The following RPS6KC1 variants were observed in gnomAD, a reference collection of about 807,000 sequenced individuals.
The protein encoded by RPS6KC1 is ribosomal protein S6 kinase C1.
RPS6KC1 carries 54 observed loss-of-function variants against 103.8 expected under a neutral mutation model. That is an observed-to-expected ratio of 0.52 (90% CI 0.42 to 0.65). The LOEUF is 0.65. Among genes scored for constraint, RPS6KC1 ranks in the 30% least tolerant of loss-of-function variants. RPS6KC1 has a pLI of 0.00. For synonymous variants in RPS6KC1, 439 were observed against 438.7 expected, an observed-to-expected ratio of 1.00 and a Z score of -0.01; for missense variants, 1,151 against 1,253.8, an observed-to-expected ratio of 0.92 and a Z score of 1.24.
chr1:213,380,890 C>T, the RPS6KC1 span, among the ~76,000 whole-genome samples: 22 of 152,284 alleles, frequency 1.4e-4, no homozygotes, highest in African/African-American at 5.3e-4. Flanking sequence ...CTTCTGCCCA[C>T]ATGTTCTCTT....
chr1:213,410,124 C>T, the RPS6KC1 span, among the ~76,000 whole-genome samples: 1 of 152,148 alleles, frequency 6.6e-6, no homozygotes, highest in Non-Finnish European at 1.5e-5. Context: ...CACTGCACTC[C>T]AGCTGGGCAA....
chr1:213,139,820 A>G (rs1030397321), intron 6 of RPS6KC1, among the ~76,000 whole-genome samples: 3 of 152,010 alleles, frequency 2.0e-5, no homozygotes, highest in Non-Finnish European at 2.9e-5. Flanking sequence ...TGCTTTGGCT[A>G]TTCAGGCTCT....
chr1:213,386,519 G>A, the RPS6KC1 span, among the ~76,000 whole-genome samples: 6 of 152,246 alleles, frequency 3.9e-5, no homozygotes, highest in South Asian at 2.1e-4. Context: ...TGTTTGTATC[G>A]CAGTGGGGCT....
rs533269129 is a variant in RPS6KC1 at position 213,241,202 on chromosome 1, G to A, written c.1726G>A (p.Asp576Asn). Residue 576 changes from aspartate (D) to asparagine (N), a missense_variant, in exon 11 of 15, where the codon GAT becomes AAT. This residue lies in a region of RPS6KC1 where 959 missense variants were observed against 1,006.3 expected (regional missense o/e 0.95). Coordinates refer to ENST00000366960, the MANE Select transcript of RPS6KC1 (RefSeq NM_012424.6). ...RAHELKFFPN[D>N]DPEAVSSPRT... The stretch of plus-strand genomic sequence containing the variant: ...TCACGAGCTGAAGTTCTTCCCCAAC[G>A]ATGACCCAGAAGCAGTTAGTTCTCC... The A allele has an allele frequency of 5.0e-6, 8 of 1,613,690 alleles. No homozygotes were observed. Among genetic ancestry groups the A allele is most frequent in the Admixed American group, 1.7e-5 (1 of 59,932 alleles).
At chr1:213,383,284 A>G in the RPS6KC1 span, among the ~76,000 whole-genome samples, 1 of 152,224 alleles carries the variant, frequency 6.6e-6, no homozygotes, top group African/African-American at 2.4e-5. Flanking sequence ...AGTCATGTGC[A>G]ACCTTCCTGA....
chr1:213,455,009 G>T, the RPS6KC1 span, among the ~76,000 whole-genome samples: 1 of 152,170 alleles, frequency 6.6e-6, no homozygotes, highest in Non-Finnish European at 1.5e-5. Flanking sequence ...GCCTCAGGGA[G>T]CGTCCAGGCC....
At chr1:213,322,199 A>G in the RPS6KC1 span, among the ~76,000 whole-genome samples, 1 of 152,142 alleles carries the variant, frequency 6.6e-6, no homozygotes, top group Non-Finnish European at 1.5e-5. Context: ...ACAGCTACTT[A>G]GGAGGCCGAG....
chr1:213,057,331 C>T (rs2148304282), intron 1 of RPS6KC1, among the ~76,000 whole-genome samples: 1 of 152,218 alleles, frequency 6.6e-6, no homozygotes, highest in African/African-American at 2.4e-5. Flanking sequence ...GGAGGCAGCG[C>T]TTTGCTTTTC....
the RPS6KC1 span, among the ~76,000 whole-genome samples, chr1:213,626,136 G>A: frequency 6.6e-6 from 1 of 152,144 alleles, no homozygotes; most frequent in Non-Finnish European, 1.5e-5. Flanking sequence ...CTGGTGTGAG[G>A]TGGTATCTCA....
At chr1:213,834,831 C>T in the RPS6KC1 span, among the ~76,000 whole-genome samples, 1 of 152,092 alleles carries the variant, frequency 6.6e-6, no homozygotes, top group Admixed American at 6.5e-5. Context: ...TGATACAGCA[C>T]CTAGTTCACT....
chr1:213,616,660 TC>T, the RPS6KC1 span, among the ~76,000 whole-genome samples: 147 of 151,980 alleles, frequency 9.7e-4, no homozygotes, highest in African/African-American at 3.2e-3. Flanking sequence ...AATAATAAAA[TC>T]CAGAGGCTTA....
the RPS6KC1 span, among the ~76,000 whole-genome samples, chr1:213,459,295 G>A: frequency 6.6e-6 from 1 of 152,072 alleles, no homozygotes; most frequent in African/African-American, 2.4e-5. Flanking sequence ...CTTGTTATTG[G>A]TCTATTCAGG....
At chr1:213,378,269 C>T in the RPS6KC1 span, among the ~76,000 whole-genome samples, 1 of 152,194 alleles carries the variant, frequency 6.6e-6, no homozygotes, top group African/African-American at 2.4e-5. Context: ...AGGAATTATG[C>T]CATGTGACTT....
At chr1:213,581,990 T>C in the RPS6KC1 span, among the ~76,000 whole-genome samples, 1 of 152,020 alleles carries the variant, frequency 6.6e-6, no homozygotes, top group Non-Finnish European at 1.5e-5. Context: ...CCACAGCATT[T>C]TGTACCTGCC....
the RPS6KC1 span, among the ~76,000 whole-genome samples, chr1:213,693,961 GGCCCT>G: frequency 2.0e-5 from 3 of 152,172 alleles, no homozygotes; most frequent in Admixed American, 2.0e-4. Context: ...CCCTCACCCT[GGCCCT>G]CGGTTCAATG....
At chr1:213,322,503 G>T in the RPS6KC1 span, among the ~76,000 whole-genome samples, 5 of 152,206 alleles carry the variant, frequency 3.3e-5, no homozygotes, top group African/African-American at 1.2e-4. Flanking sequence ...CAGTAAGAAG[G>T]GTGTATTAGC....
the RPS6KC1 span, among the ~76,000 whole-genome samples, chr1:213,424,497 A>AT: frequency 2.0e-5 from 3 of 152,322 alleles, no homozygotes; most frequent in Admixed American, 1.3e-4. Flanking sequence ...ATCTCTCCAT[A>AT]TGGTGCTGCT....
the RPS6KC1 span, among the ~76,000 whole-genome samples, chr1:213,577,020 T>A: frequency 6.6e-6 from 1 of 152,172 alleles, no homozygotes; most frequent in Non-Finnish European, 1.5e-5. Flanking sequence ...CAAAGCCTAA[T>A]CCAGAGAAAG....
intron 8 of RPS6KC1, among the ~76,000 whole-genome samples, chr1:213,215,292 A>G (rs1381024237): frequency 1.3e-5 from 2 of 152,242 alleles, no homozygotes; most frequent in Non-Finnish European, 1.5e-5. Context: ...TGGAAGATCA[A>G]ATGAATGAAA....
Sources: allele counts gnomAD v4.1 joint callset (sites outside exome capture counted in the v4.1 genomes callset), GRCh38; gene constraint gnomAD v4.1.1; regional missense constraint gnomAD v4.1.1; transcripts MANE v1.5; gene names NCBI Gene and HGNC (gene_info 2026-07-23, HGNC 2026-07-21).